The following ATF1 variants were observed in gnomAD, a reference collection of about 807,000 sequenced individuals.
ATF1 encodes the protein activating transcription factor 1.
In ATF1, 16 loss-of-function variants were observed where a neutral mutation model predicts 34.7. The ratio of observed to expected loss-of-function variants is 0.46; its 90% confidence interval spans 0.31 to 0.70. ATF1 has a LOEUF of 0.70. Ranked by LOEUF, ATF1 falls within the 30% of genes least tolerant of loss-of-function variation. The pLI is 0.05. For synonymous variants in ATF1, 105 were observed against 113.1 expected (o/e 0.93, Z 0.46); for missense variants, 255 against 321.6 (o/e 0.79, Z 1.58).
chr12:50,819,090 G>A (rs1001046234), intron 6 of ATF1, among the ~76,000 whole-genome samples: 5 of 152,212 alleles, frequency 3.3e-5, no homozygotes, highest in Non-Finnish European at 5.9e-5. Flanking sequence ...TTATTCAAGA[G>A]AAATGAAACC....
intron 6 of ATF1, among the ~76,000 whole-genome samples, chr12:50,814,876 G>A (rs868699596): frequency 2.8e-5 from 4 of 142,712 alleles, no homozygotes; most frequent in Admixed American, 2.2e-4. Context: ...GCTCACGCCT[G>A]TAATCCCAGC....
rs1941478163 is a variant in ATF1 at position 50,799,745 on chromosome 12, A to G, written c.194+3736A>G. ...GATAAAACCTCATTGGATGGGTTCA[A>G]TAGTAGAATGGAAATGAGAGAAAAA... On this transcript the variant is annotated intron_variant, in intron 3 of 6. Transcript: ENST00000262053. Among the ~76,000 whole-genome samples the G allele has an allele frequency of 3.3e-5, 5 of 152,232 alleles. No homozygotes were observed. The South Asian group carries it at 1.0e-3, about 31-fold the overall frequency.
At chr12:50,771,163 G>A (rs1940761106) in intron 1 of ATF1, among the ~76,000 whole-genome samples, 2 of 151,902 alleles carry the variant, frequency 1.3e-5, no homozygotes, top group Admixed American at 6.6e-5. Context: ...ACATCACAAC[G>A]CCCAGCTGAC....
At chr12:50,773,470 G>T (rs1329469936) in intron 1 of ATF1, among the ~76,000 whole-genome samples, 1 of 95,564 alleles carries the variant, frequency 1.0e-5, no homozygotes. Context: ...TTTTTTTCGA[G>T]ACAAAGTCTC....
At chr12:50,815,395 T>C (rs1198740439) in intron 6 of ATF1, among the ~76,000 whole-genome samples, 4 of 152,040 alleles carry the variant, frequency 2.6e-5, no homozygotes, top group African/African-American at 9.7e-5. Context: ...TTTTGTGATT[T>C]TTTTTTTTAA....
chr12:50,802,259 C>T (rs1306535745), intron 3 of ATF1, among the ~76,000 whole-genome samples: 1 of 152,214 alleles, frequency 6.6e-6, no homozygotes, highest in East Asian at 1.9e-4. Flanking sequence ...GGCACAGTGG[C>T]TCATGCCTGT....
Position 50,777,936 on chromosome 12 carries a change from CTTT to C in ATF1, c.-6-2188_-6-2186del, listed in dbSNP as rs71086478. Among the ~76,000 whole-genome samples the C allele has an allele frequency of 3.9e-3, 525 of 133,384 alleles. 3 individuals are homozygous for C. The highest frequency in any genetic ancestry group is 6.1e-3 in the African/African-American group (222 of 36,622). The allele number at this position is 133,384 out of a possible 152,430, so 87.5% of individuals were successfully genotyped here. A position where few individuals can be genotyped will look rare whatever the true frequency, so the allele number is the denominator to read the frequency against. ...ATATACGTACCGTGGAATTTACTAT[CTTT>C]TTTTTTTTTTTTTTTGAGACAAGGC... On this transcript the variant is annotated intron_variant, in intron 1 of 6. Transcript: ENST00000262053.
At chr12:50,806,107 C>T (rs577321353) in intron 3 of ATF1, among the ~76,000 whole-genome samples, 1 of 150,818 alleles carries the variant, frequency 6.6e-6, no homozygotes, top group East Asian at 1.9e-4. Context: ...GCCGAGATTG[C>T]ACCACTGACT....
chr12:50,809,095 C>G (rs924102223), intron 3 of ATF1, among the ~76,000 whole-genome samples: 2 of 151,530 alleles, frequency 1.3e-5, no homozygotes, highest in Admixed American at 1.3e-4. Flanking sequence ...TTTTTGTGGC[C>G]GGGCATGGTG....
chr12:50,764,471 C>T (rs894051873), intron 1 of ATF1, 164 bp downstream of exon 1: 1 of 151,886 alleles, frequency 6.6e-6, no homozygotes, highest in East Asian at 1.9e-4. Context: ...GCCGCCCGCG[C>T]TTCCGGCCTC....
chr12:50,800,745 A>G (rs1941495636), intron 3 of ATF1, among the ~76,000 whole-genome samples: 1 of 152,224 alleles, frequency 6.6e-6, no homozygotes, highest in Non-Finnish European at 1.5e-5. Context: ...CTATCCATGG[A>G]AAAATTGTCT....
chr12:50,791,427 A>T (rs1941299505), intron 2 of ATF1, among the ~76,000 whole-genome samples: 1 of 152,160 alleles, frequency 6.6e-6, no homozygotes, highest in Admixed American at 6.6e-5. Flanking sequence ...GTGGTCACGC[A>T]TGCCTGTAAT....
chr12:50,791,185 A>G (rs954978589), intron 2 of ATF1, among the ~76,000 whole-genome samples: 1 of 152,186 alleles, frequency 6.6e-6, no homozygotes, highest in Non-Finnish European at 1.5e-5. Flanking sequence ...GACCCTAGGC[A>G]TTTTGAGGGA....
chr12:50,814,437 CAGGT>C lies in ATF1; in HGVS notation c.671+5_671+8del. The C allele has an allele frequency of 6.2e-7, 1 of 1,613,564 alleles. No homozygotes were observed. Among genetic ancestry groups the C allele is most frequent in the Non-Finnish European group, 8.5e-7 (1 of 1,179,796 alleles). On this transcript the variant is annotated splice_donor_variant and coding_sequence_variant, in exon 6 of 7. Transcript: ENST00000262053. LOFTEE classifies it high-confidence loss of function. ...AAAGAGAAATAAGGTTAATGAAAAA[CAGGT>C]AGGTAGTAAAATCGTAGTACCAGAA...
chr12:50,767,576 C>T (rs1458446310), intron 1 of ATF1, among the ~76,000 whole-genome samples: 1 of 152,180 alleles, frequency 6.6e-6, no homozygotes, highest in Non-Finnish European at 1.5e-5. Flanking sequence ...GATGACCCAG[C>T]AAGCTGGTCA....
chr12:50,774,325 G>A (rs1459197238), intron 1 of ATF1, among the ~76,000 whole-genome samples: 1 of 152,084 alleles, frequency 6.6e-6, no homozygotes, highest in Non-Finnish European at 1.5e-5. Flanking sequence ...GTGAGCCACC[G>A]CGCCCGGCTG....
chr12:50,770,843 G>A (rs2139636150), intron 1 of ATF1, among the ~76,000 whole-genome samples: 1 of 152,232 alleles, frequency 6.6e-6, no homozygotes, highest in African/African-American at 2.4e-5. Flanking sequence ...GAAATAAGAG[G>A]GATGGGTAAT....
intron 4 of ATF1, among the ~76,000 whole-genome samples, chr12:50,810,509 C>T (rs553269166): frequency 2.6e-4 from 40 of 152,324 alleles, no homozygotes; most frequent in African/African-American, 8.9e-4. Flanking sequence ...GCGTGAGCCA[C>T]CACGCCTGGC....
chr12:50,768,366 T>C (rs1323281737), intron 1 of ATF1, among the ~76,000 whole-genome samples: 1 of 152,224 alleles, frequency 6.6e-6, no homozygotes, highest in Non-Finnish European at 1.5e-5. Context: ...CCGTTTGGCA[T>C]AAAAACTTCT....
Sources: gnomAD v4.1 joint callset for allele counts (sites outside exome capture counted in the v4.1 genomes callset) on GRCh38, gnomAD v4.1.1 for gene constraint, MANE v1.5 for transcripts, NCBI Gene and HGNC (gene_info 2026-07-23, HGNC 2026-07-21) for gene names.